ASXL3: variants seen among roughly 807,000 people sequenced by gnomAD.
ASXL3 encodes the protein ASXL transcriptional regulator 3.
In ASXL3, 34 loss-of-function variants were observed where a neutral mutation model predicts 170.6. That is an observed-to-expected ratio of 0.20 (90% confidence interval 0.15 to 0.27). The LOEUF is 0.27. Among genes scored for constraint, ASXL3 ranks in the 10% least tolerant of loss-of-function variants. The probability of loss-of-function intolerance (pLI) is 1.00; values close to 1 mark genes in which losing one functional copy is unlikely to be tolerated. For missense variants in ASXL3, 2,592 were observed against 2,695.3 expected (o/e 0.96, Z 0.85); for synonymous variants, 1,002 against 989.1 (o/e 1.01, Z -0.24).
chr18:33,743,453 G>A lies in ASXL3; in HGVS notation c.3605G>A (p.Ser1202Asn). The A allele has an allele frequency of 6.2e-7, 1 of 1,613,518 alleles. No homozygotes were observed. The highest frequency in any genetic ancestry group is 1.3e-5 in the African/African-American group (1 of 75,038). ...PETATDLSVH[S>N]SDENIPVSHL... Reference sequence around the variant, plus strand: ...ACTGCCACTGACTTATCTGTGCATAGTTCTGATGAAAACATACCTGTGTCA... The same window carrying A: ...ACTGCCACTGACTTATCTGTGCATAATTCTGATGAAAACATACCTGTGTCA... Residue 1202 changes from serine to asparagine, a missense_variant, in exon 12 of 12, where the codon AGT (serine) becomes AAT (asparagine). By Grantham distance (46) the Ser-to-Asn change is conservative. This residue lies in a region of ASXL3 where 2,246 missense variants were observed against 2,219.6 expected (regional missense o/e 1.01). Transcript: ENST00000269197.
At chr18:33,702,062 G>T (rs1273228734) in intron 8 of ASXL3, among the ~76,000 whole-genome samples, 3 of 151,460 alleles carry the variant, frequency 2.0e-5, no homozygotes, top group Non-Finnish European at 4.4e-5. Flanking sequence ...TTTCATTGTT[G>T]CTCTCTCTTT....
rs1357069144 is a variant in ASXL3 at position 33,683,583 on chromosome 18, T to C, written c.879+15T>C. On this transcript the variant is annotated intron_variant, in intron 8 of 11. Transcript: ENST00000269197. ...TGGATAGGCAGGTAAGTAGAAGTTT[T>C]AGACATTTGATACCAGCCACTAGTT... is the stretch of plus-strand genomic sequence containing the variant. 7 of 1,603,426 alleles carry C rather than the reference T, an allele frequency of 4.4e-6. No homozygotes were observed. Among genetic ancestry groups the C allele is most frequent in the Non-Finnish European group, 6.0e-6 (7 of 1,174,748 alleles).
intron 1 of ASXL3, among the ~76,000 whole-genome samples, chr18:33,596,317 C>T (rs2145105238): frequency 6.6e-6 from 1 of 152,226 alleles, no homozygotes; most frequent in East Asian, 1.9e-4. Flanking sequence ...GTAAATGTCT[C>T]CAGCAATGGT....
At chr18:33,732,125 G>A in intron 9 of ASXL3, 61 bp downstream of exon 9, 2 of 1,337,992 alleles carry the variant, frequency 1.5e-6, no homozygotes, top group East Asian at 2.3e-5. Flanking sequence ...TACTGAGCTT[G>A]TACCTTTCTC....
At chr18:33,656,444 C>A (rs1433992304) in intron 4 of ASXL3, among the ~76,000 whole-genome samples, 1 of 151,952 alleles carries the variant, frequency 6.6e-6, no homozygotes, top group African/African-American at 2.4e-5. Flanking sequence ...TATTGGGTGG[C>A]TCAGTGGGAC....
chr18:33,694,778 T>G (rs1207872142), intron 8 of ASXL3, among the ~76,000 whole-genome samples: 1 of 152,214 alleles, frequency 6.6e-6, no homozygotes, highest in Admixed American at 6.5e-5. Context: ...CCTCCGGTTC[T>G]GCACTCACTG....
rs1419426396 is a variant in ASXL3 at position 33,745,858 on chromosome 18, G to C, written c.6010G>C (p.Gly2004Arg). 5 of 1,613,698 alleles carry C rather than the reference G, an allele frequency of 3.1e-6. No individual in the cohort carries two copies. The highest frequency in any genetic ancestry group is 4.2e-6 in the Non-Finnish European group (5 of 1,179,898). ...MPMKEGDEVG[G>R]TAHTMPNKAL... The stretch of plus-strand genomic sequence containing the variant: ...CATGAAAGAAGGTGATGAGGTGGGA[G>C]GCACTGCACACACAATGCCAAACAA... Residue 2004 changes from glycine to arginine, a missense_variant, in exon 12 of 12, where the codon GGC becomes CGC. Physicochemically the swap from Gly to Arg is moderately radical, Grantham distance 125. Coordinates refer to ENST00000269197, the MANE Select transcript of ASXL3 (RefSeq NM_030632.3).
intron 8 of ASXL3, among the ~76,000 whole-genome samples, chr18:33,710,930 T>C (rs556003995): frequency 2.0e-5 from 3 of 152,304 alleles, no homozygotes; most frequent in Non-Finnish European, 1.5e-5. Context: ...AAAAATGTTA[T>C]GATAAAATAA....
intron 7 of ASXL3, among the ~76,000 whole-genome samples, chr18:33,679,711 A>G (rs1357555105): frequency 2.0e-5 from 3 of 152,100 alleles, no homozygotes; most frequent in African/African-American, 7.2e-5. Flanking sequence ...GTTTTTACAC[A>G]TTTATCATTC....
chr18:33,633,875 CAATT>C (rs201114854), intron 2 of ASXL3, among the ~76,000 whole-genome samples: 1,532 of 142,890 alleles, frequency 0.011, 86 homozygotes, highest in Admixed American at 0.08. Flanking sequence ...ATTCAAGTAA[CAATT>C]AATAAAGTAA....
At chr18:33,731,140 G>A (rs2067435369) in intron 8 of ASXL3, among the ~76,000 whole-genome samples, 1 of 152,084 alleles carries the variant, frequency 6.6e-6, no homozygotes, top group African/African-American at 2.4e-5. Context: ...GGCATTATTT[G>A]AGTTAAATTT....
chr18:33,728,862 G>GT (rs1319310826), intron 8 of ASXL3, among the ~76,000 whole-genome samples: 1 of 152,068 alleles, frequency 6.6e-6, no homozygotes, highest in Non-Finnish European at 1.5e-5. Context: ...TACCTTTTAG[G>GT]TTTTTTCCTT....
In ASXL3 at chr18:33,703,263, A is replaced by G. The variant is rs896015283; in HGVS notation, c.879+19695A>G. On this transcript the variant is annotated intron_variant, in intron 8 of 11. Coordinates refer to ENST00000269197, the MANE Select transcript of ASXL3 (RefSeq NM_030632.3). The stretch of plus-strand genomic sequence containing the variant: ...ATTAAATAGTTGCTTTAGGGAGACC[A>G]TAGAAATCTGTTCTTATGGTCTTCC... Among the ~76,000 whole-genome samples, 28 of 152,280 alleles carry G rather than the reference A, an allele frequency of 1.8e-4. 1 individual carries two copies. Among genetic ancestry groups the G allele is most frequent in the Admixed American group, 1.6e-3 (25 of 15,278 alleles).
In ASXL3 at chr18:33,607,627, G is replaced by A. The variant is rs774236876; in HGVS notation, c.88G>A (p.Ala30Thr). ...LEKHPNSPMT[A>T]KQILEVIQKE... is the part of the protein sequence containing the mutation. ...AAAACACCCCAACTCACCAATGACA[G>A]CAAAGCAGATATTGGAAGTCATTCA... Residue 30 changes from alanine (A) to threonine (T), a missense_variant, in exon 2 of 12, where the codon GCA (alanine) becomes ACA (threonine). Transcript: ENST00000269197. 6.3e-7 allele frequency: 1 copy of A among 1,590,434 alleles called. No homozygotes were observed. Among genetic ancestry groups the A allele is most frequent in the South Asian group, 1.1e-5 (1 of 87,116 alleles).
Position 33,578,353 on chromosome 18 carries a change from G to A in ASXL3, c.-279G>A, listed in dbSNP as rs1426379002. ...CGCCCCCGCCCCTGGCCCGGGCCCCGCTGCTGCCGCCGCCCCCGCCCCCGG... is the reference window on the plus strand; with the variant it reads ...CGCCCCCGCCCCTGGCCCGGGCCCCACTGCTGCCGCCGCCCCCGCCCCCGG... On this transcript the variant is annotated 5_prime_UTR_variant, in exon 1 of 12. Transcript: ENST00000269197. 2.2e-5 allele frequency: 1 copy of A among 45,930 alleles called. No homozygotes were observed. Among genetic ancestry groups the A allele is most frequent in the Non-Finnish European group, 4.2e-5 (1 of 24,074 alleles). The allele number at this position is 45,930 out of a possible 1,614,324, so 2.8% of individuals were successfully genotyped here. A position where few individuals can be genotyped will look rare whatever the true frequency, so the allele number is the denominator to read the frequency against.
intron 8 of ASXL3, among the ~76,000 whole-genome samples, chr18:33,693,354 A>G (rs1262878416): frequency 1.3e-5 from 2 of 152,204 alleles, no homozygotes. Flanking sequence ...ATTTACTGAC[A>G]AAAGTTTTAG....
chr18:33,735,425 G>T (rs2067528402), intron 10 of ASXL3, among the ~76,000 whole-genome samples: 2 of 152,088 alleles, frequency 1.3e-5, no homozygotes, highest in Admixed American at 6.6e-5. Flanking sequence ...GCTGTGCCAG[G>T]ATATATATAT....
chr18:33,683,394 G>A lies in ASXL3; in HGVS notation c.716-11G>A, dbSNP rs780719574. 61 of 1,606,692 alleles carry A rather than the reference G, an allele frequency of 3.8e-5. No individual in the cohort carries two copies. In the South Asian group the frequency reaches 6.0e-4, roughly 16 times the overall value. ...TGTAGTAAATTCATGCCTCTTGCTT[G>A]TTCATCACAGGGCACTTGAAATGGA... is the stretch of plus-strand genomic sequence containing the variant. On this transcript the variant is annotated splice_polypyrimidine_tract_variant and intron_variant, in intron 7 of 11. Coordinates refer to ENST00000269197, the MANE Select transcript of ASXL3 (RefSeq NM_030632.3).
chr18:33,615,817 T>C (rs1392206428), intron 2 of ASXL3, among the ~76,000 whole-genome samples: 1 of 152,164 alleles, frequency 6.6e-6, no homozygotes, highest in East Asian at 1.9e-4. Flanking sequence ...ACTATAGGGC[T>C]TATATATGAA....
Sources: allele counts gnomAD v4.1 joint callset (sites outside exome capture counted in the v4.1 genomes callset), GRCh38; gene constraint gnomAD v4.1.1; regional missense constraint gnomAD v4.1.1; transcripts MANE v1.5; gene names NCBI Gene and HGNC (gene_info 2026-07-23, HGNC 2026-07-21).